Variants in CCDC85A observed in about 807,000 individuals in gnomAD.
The protein encoded by CCDC85A is coiled-coil domain-containing protein 85A.
In CCDC85A, 38 loss-of-function variants were observed where a neutral mutation model predicts 50.2. The observed-to-expected ratio is 0.76, with a 90% CI of 0.58 to 0.99. The LOEUF is 0.99. CCDC85A is among the 50% of genes least tolerant of loss of function. The pLI is 0.00. For missense variants in CCDC85A, 820 were observed against 742.0 expected (o/e 1.11, Z -1.22); for synonymous variants, 366 against 301.4 (o/e 1.21, Z -2.22).
chr2:56,191,701 C>T (rs1312908727), intron 1 of CCDC85A, among the ~76,000 whole-genome samples: 1 of 152,184 alleles, frequency 6.6e-6, no homozygotes, highest in African/African-American at 2.4e-5. Flanking sequence ...AGAGAGGTCT[C>T]TTAATTTAAG....
chr2:56,192,745 G>A lies in CCDC85A; in HGVS notation c.545G>A (p.Gly182Asp). The change falls in exon 2 of 6, where the codon GGC becomes GAC. Residue 182 changes from glycine (G) to aspartate (D), a missense_variant. Coordinates refer to ENST00000407595, the MANE Select transcript of CCDC85A (RefSeq NM_001080433.2). This position sits in a 1 kb window ranked among gnomAD's most constrained non-coding sequence, Gnocchi z 4.7. The part of the protein sequence containing the change: ...LDEEKGAGCA[G>D]SRCSIDSQAS... The stretch of plus-strand genomic sequence containing the variant: ...GAGGAGAAGGGTGCAGGCTGCGCAG[G>A]CAGCCGCTGCTCCATCGACAGCCAG... The A allele has an allele frequency of 6.2e-7, 1 of 1,613,052 alleles. No homozygotes were observed. Among genetic ancestry groups the A allele is most frequent in the Non-Finnish European group, 8.5e-7 (1 of 1,179,714 alleles).
intron 3 of CCDC85A, among the ~76,000 whole-genome samples, chr2:56,363,062 T>C (rs1675615973): frequency 6.6e-6 from 1 of 152,218 alleles, no homozygotes; most frequent in Admixed American, 6.5e-5. Flanking sequence ...TTCAGTTAAA[T>C]GAGTGTATAT....
chr2:56,193,009 G>T lies in CCDC85A; in HGVS notation c.809G>T (p.Arg270Leu). The change falls in exon 2 of 6, where the codon CGC (arginine) becomes CTC (leucine). Residue 270 changes from arginine (R) to leucine (L), a missense_variant. Physicochemically the swap from Arg to Leu is moderately radical, Grantham distance 102 (BLOSUM62 -2). Transcript: ENST00000407595. ...QKPRACGTPD[R>L]PKALKGPSPE... ...CCCAGAGCCTGTGGAACCCCAGATC[G>T]CCCCAAAGCACTCAAAGGACCTAGC... 6.2e-7 allele frequency: 1 copy of T among 1,613,576 alleles called. No homozygotes were observed. The highest frequency in any genetic ancestry group is 8.5e-7 in the Non-Finnish European group (1 of 1,179,804).
At chr2:56,225,109 G>A (rs1192907811) in intron 2 of CCDC85A, among the ~76,000 whole-genome samples, 2 of 150,950 alleles carry the variant, frequency 1.3e-5, no homozygotes, top group East Asian at 3.9e-4. Context: ...TTCATGAAGT[G>A]CAAATTCATT....
At chr2:56,252,621 C>A (rs1669813475) in intron 2 of CCDC85A, among the ~76,000 whole-genome samples, 1 of 152,056 alleles carries the variant, frequency 6.6e-6, no homozygotes, top group South Asian at 2.1e-4. Context: ...TATACACGTG[C>A]CATGGTGGTT....
At chr2:56,214,127 ATATGT>A (rs59410781) in intron 2 of CCDC85A, among the ~76,000 whole-genome samples, 39,192 of 151,546 alleles carry the variant, frequency 0.26, 5,529 homozygotes, top group African/African-American at 0.35. Context: ...AGTATATATA[ATATGT>A]TAAGAGTATG....
At chr2:56,274,266 G>GTATGTGTGTGTA (rs1670827707) in intron 2 of CCDC85A, among the ~76,000 whole-genome samples, 2 of 152,126 alleles carry the variant, frequency 1.3e-5, no homozygotes, top group Non-Finnish European at 2.9e-5. Flanking sequence ...AGAACCAAAA[G>GTATGTGTGTGTA]TATGTGTGTG....
chr2:56,322,464 C>G (rs1573254207), intron 2 of CCDC85A, among the ~76,000 whole-genome samples: 1 of 152,112 alleles, frequency 6.6e-6, no homozygotes, highest in Non-Finnish European at 1.5e-5. Flanking sequence ...TCAAACAACC[C>G]CATTAAAAAG....
chr2:56,193,161 C>CGGTCAGGG lies in CCDC85A; in HGVS notation c.962_969dup (p.Ser324GlyfsTer28). 1.2e-6 allele frequency: 2 copies of CGGTCAGGG among 1,613,434 alleles called. No individual in the cohort carries two copies. The highest frequency in any genetic ancestry group is 8.5e-7 in the Non-Finnish European group (1 of 1,179,782). On this transcript the variant is annotated frameshift_variant, in exon 2 of 6. Coordinates refer to ENST00000407595, the MANE Select transcript of CCDC85A (RefSeq NM_001080433.2). LOFTEE classifies it high-confidence loss of function. ...GAGCCCGGAACACTTCCAGAAGCAC[C>CGGTCAGGG]GGTCAGGGAGCAGCCCTGAACACGC...
intron 2 of CCDC85A, among the ~76,000 whole-genome samples, chr2:56,306,204 A>G (rs936977274): frequency 1.5e-4 from 23 of 152,214 alleles, no homozygotes; most frequent in African/African-American, 5.1e-4. Flanking sequence ...ATCTCAGCTC[A>G]GTACAACCTC....
At chr2:56,297,742 G>A (rs956888449) in intron 2 of CCDC85A, among the ~76,000 whole-genome samples, 10 of 152,180 alleles carry the variant, frequency 6.6e-5, no homozygotes, top group Non-Finnish European at 1.0e-4. Context: ...AGAGCTTGCC[G>A]TGTGAGGTGA....
intron 2 of CCDC85A, among the ~76,000 whole-genome samples, chr2:56,279,457 G>A (rs1671108463): frequency 6.6e-6 from 1 of 151,352 alleles, no homozygotes; most frequent in South Asian, 2.1e-4. Flanking sequence ...TTCACCCCTG[G>A]CTCCAGGCAA....
chr2:56,191,295 C>A (rs1039507239), intron 1 of CCDC85A, among the ~76,000 whole-genome samples: 8 of 152,156 alleles, frequency 5.3e-5, no homozygotes, highest in Admixed American at 4.6e-4. Context: ...TCTTTCCCAC[C>A]ACAATAAAAG....
At chr2:56,276,794 C>T (rs574010761) in intron 2 of CCDC85A, among the ~76,000 whole-genome samples, 2 of 152,090 alleles carry the variant, frequency 1.3e-5, no homozygotes, top group Admixed American at 6.6e-5. Context: ...TTGTTATGTA[C>T]GTAAACTTGT....
In CCDC85A at chr2:56,243,672, TTCCTGCA is replaced by T. The variant is rs1669365602; in HGVS notation, c.1240+50233_1240+50239del. 2.0e-5 allele frequency among the ~76,000 whole-genome samples: 3 copies of T among 152,210 alleles called. No homozygotes were observed. In the South Asian group the frequency reaches 6.2e-4, roughly 31 times the overall value. ...TTAGTTTGTTCAGTGAGGTCATGTTTTCCTGCAGGATCTTGATGTTTGTAGATGTTCG... is the reference window on the plus strand; with the variant it reads ...TTAGTTTGTTCAGTGAGGTCATGTTTGGATCTTGATGTTTGTAGATGTTCG... On this transcript the variant is annotated intron_variant, in intron 2 of 5. Coordinates refer to ENST00000407595, the MANE Select transcript of CCDC85A (RefSeq NM_001080433.2).
Position 56,184,566 on chromosome 2 carries a change from C to G in CCDC85A, c.-59C>G. 1 of 1,361,114 alleles carries G rather than the reference C, an allele frequency of 7.3e-7. No homozygotes were observed. The highest frequency in any genetic ancestry group is 9.4e-7 in the Non-Finnish European group (1 of 1,066,186). The allele number at this position is 1,361,114 out of a possible 1,614,324, so 84.3% of individuals were successfully genotyped here. On this transcript the variant is annotated 5_prime_UTR_variant, in exon 1 of 6. Coordinates refer to ENST00000407595, the MANE Select transcript of CCDC85A (RefSeq NM_001080433.2). The stretch of plus-strand genomic sequence containing the variant: ...GGCGGAGGCGGCCTCGCCGCGCCCG[C>G]GCCTTCGGGAGTCGCCTCGCCTCTT...
At chr2:56,237,006 A>C (rs933284291) in intron 2 of CCDC85A, among the ~76,000 whole-genome samples, 3 of 152,148 alleles carry the variant, frequency 2.0e-5, no homozygotes, top group African/African-American at 7.2e-5. Context: ...TACGAGGCTC[A>C]TCAAAATGTA....
At chr2:56,365,252 G>C (rs1382524129) in intron 3 of CCDC85A, among the ~76,000 whole-genome samples, 1 of 152,198 alleles carries the variant, frequency 6.6e-6, no homozygotes. Context: ...TAATAAATGA[G>C]GGGTGTGTGA....
intron 2 of CCDC85A, among the ~76,000 whole-genome samples, chr2:56,292,119 G>A (rs1173135022): frequency 6.6e-6 from 1 of 152,024 alleles, no homozygotes; most frequent in Non-Finnish European, 1.5e-5. Flanking sequence ...GTCTTGCTCT[G>A]TCGCCCAGGC....
Sources: gnomAD v4.1 joint callset for allele counts (sites outside exome capture counted in the v4.1 genomes callset) on GRCh38, gnomAD v4.1.1 for gene constraint, Gnocchi (gnomAD v3.1) non-coding constraint, MANE v1.5 for transcripts, NCBI Gene and HGNC (gene_info 2026-07-23, HGNC 2026-07-21) for gene names.